The following NTRK3 variants were observed in gnomAD, a reference collection of about 807,000 sequenced individuals.
The protein encoded by NTRK3 is NT-3 growth factor receptor.
In NTRK3, 24 loss-of-function variants were observed where a neutral mutation model predicts 91.7. That is an observed-to-expected ratio of 0.26 (90% CI 0.19 to 0.37). The LOEUF is 0.37. Among genes scored for constraint, NTRK3 ranks in the 10% least tolerant of loss-of-function variants. The pLI is 1.00. For synonymous variants in NTRK3, 483 were observed against 404.0 expected, an observed-to-expected ratio of 1.20 and a Z score of -2.34; for missense variants, 880 against 1,068.9, an observed-to-expected ratio of 0.82 and a Z score of 2.46.
At chr15:87,987,681 G>A (rs887882343) in intron 14 of NTRK3, among the ~76,000 whole-genome samples, 1 of 151,776 alleles carries the variant, frequency 6.6e-6, no homozygotes, top group Non-Finnish European at 1.5e-5. Flanking sequence ...AGTACTCATA[G>A]ATTTTTTTTT....
intron 6 of NTRK3, chr15:88,143,968 T>A (rs1339679961): frequency 1.3e-5 from 2 of 152,204 alleles, no homozygotes; most frequent in Admixed American, 1.3e-4. Context: ...ACATTAAGGA[T>A]CCTTAGGGCA....
intron 17 of NTRK3, chr15:87,927,456 T>C (rs575376843): frequency 3.3e-5 from 5 of 152,252 alleles, no homozygotes; most frequent in Middle Eastern, 6.8e-3. Flanking sequence ...TATGCTCAGG[T>C]CAACAGGACA....
At chr15:88,030,685 C>A (rs1253007926) in intron 14 of NTRK3, among the ~76,000 whole-genome samples, 1 of 152,046 alleles carries the variant, frequency 6.6e-6, no homozygotes, top group Non-Finnish European at 1.5e-5. Flanking sequence ...TCATTTAGGG[C>A]CATGTGTAGA....
At chr15:88,206,256 A>C (rs1397932776) in intron 3 of NTRK3, among the ~76,000 whole-genome samples, 2 of 150,182 alleles carry the variant, frequency 1.3e-5, no homozygotes, top group Admixed American at 6.6e-5. Context: ...GAGGCAGGAG[A>C]ATAGCGCGAA....
At chr15:87,883,277 A>G (rs1317277652) in intron 17 of NTRK3, among the ~76,000 whole-genome samples, 1 of 149,278 alleles carries the variant, frequency 6.7e-6, no homozygotes, top group East Asian at 1.9e-4. Flanking sequence ...ATCATAATTA[A>G]TATTATATTT....
chr15:88,242,097 A>G (rs577363236), intron 3 of NTRK3, among the ~76,000 whole-genome samples: 1 of 152,310 alleles, frequency 6.6e-6, no homozygotes, highest in South Asian at 2.1e-4. Context: ...CCACCTGCGC[A>G]TGGACACACT....
chr15:87,938,962 G>A (rs1168242370), intron 15 of NTRK3, among the ~76,000 whole-genome samples: 1 of 152,126 alleles, frequency 6.6e-6, no homozygotes, highest in African/African-American at 2.4e-5. Flanking sequence ...TTATTTTCTA[G>A]AGCAGAGGTC....
At chr15:87,962,280 C>A (rs2072373452) in intron 14 of NTRK3, among the ~76,000 whole-genome samples, 1 of 152,156 alleles carries the variant, frequency 6.6e-6, no homozygotes, top group Non-Finnish European at 1.5e-5. Context: ...CTTTCCTTCC[C>A]CCAGGACTTA....
chr15:88,104,215 G>T (rs1484116959), intron 13 of NTRK3, among the ~76,000 whole-genome samples: 2 of 152,242 alleles, frequency 1.3e-5, no homozygotes, highest in Non-Finnish European at 2.9e-5. Context: ...GACGTTGAAA[G>T]ATGACGACTT....
At chr15:88,017,154 G>C (rs969630104) in intron 14 of NTRK3, among the ~76,000 whole-genome samples, 4 of 152,058 alleles carry the variant, frequency 2.6e-5, no homozygotes, top group Admixed American at 1.3e-4. Context: ...TGAGTGATTT[G>C]GGGTGTGCTG....
chr15:87,963,964 A>C (rs1236050179), intron 14 of NTRK3, among the ~76,000 whole-genome samples: 1 of 152,208 alleles, frequency 6.6e-6, no homozygotes, highest in Non-Finnish European at 1.5e-5. Flanking sequence ...GTTGTGAAGA[A>C]ATTAAATAAA....
chr15:88,245,919 T>A (rs1598158745), intron 3 of NTRK3, among the ~76,000 whole-genome samples: 1 of 152,176 alleles, frequency 6.6e-6, no homozygotes, highest in East Asian at 1.9e-4. Context: ...AGGGATAATG[T>A]CAGCTTCTTT....
intron 14 of NTRK3, among the ~76,000 whole-genome samples, chr15:88,032,604 T>G (rs1005592833): frequency 4.6e-5 from 7 of 152,222 alleles, no homozygotes; most frequent in Non-Finnish European, 7.4e-5. Context: ...CCCAGGGTCC[T>G]GCTGAGCCCA....
intron 14 of NTRK3, among the ~76,000 whole-genome samples, chr15:87,949,659 C>T (rs2141098369): frequency 6.6e-6 from 1 of 152,262 alleles, no homozygotes; most frequent in African/African-American, 2.4e-5. Context: ...CCGCCATGAG[C>T]TCAGACACCA....
Position 87,929,029 on chromosome 15 carries a change from T to C in NTRK3, c.2133+162A>G, listed in dbSNP as rs956040902. On this transcript the variant is annotated intron_variant, in intron 17 of 18. Coordinates refer to ENST00000394480, the Ensembl canonical transcript of NTRK3. ...ATTGAGAACATAATAAACAGGTATG[T>C]CAAGATGCAAGAGAGGCCAAAAGAT... The C allele has an allele frequency of 3.2e-6, 3 of 948,920 alleles. No individual in the cohort carries two copies. The African/African-American group carries it at 4.8e-5, about 15-fold the overall frequency. The allele number at this position is 948,920 out of a possible 1,614,324, so 58.8% of individuals were successfully genotyped here. A position where few individuals can be genotyped will look rare whatever the true frequency, so the allele number is the denominator to read the frequency against.
At chr15:88,146,202 G>C (rs2042875991) in intron 6 of NTRK3, among the ~76,000 whole-genome samples, 1 of 152,276 alleles carries the variant, frequency 6.6e-6, no homozygotes, top group African/African-American at 2.4e-5. Flanking sequence ...AGTACACAAG[G>C]TCATCATGGG....
chr15:87,869,231 G>T (rs2064764025), exon 19 of NTRK3: 1 of 229,816 alleles, frequency 4.4e-6, no homozygotes, highest in Non-Finnish European at 8.6e-6. Context: ...CGGCTCCTCT[G>T]CTCCTGGAGG....
intron 14 of NTRK3, among the ~76,000 whole-genome samples, chr15:87,942,312 G>T (rs1487546376): frequency 6.6e-6 from 1 of 152,250 alleles, no homozygotes; most frequent in South Asian, 2.1e-4. Flanking sequence ...ACACTGCAGG[G>T]CTATGCCCCA....
chr15:88,139,923 A>T, intron 6 of NTRK3, among the ~76,000 whole-genome samples: 1 of 3,454 alleles, frequency 2.9e-4, no homozygotes, highest in Admixed American at 3.2e-3. Flanking sequence ...TTGGGGTGGG[A>T]GGGGGGGAGT....
Sources: allele counts gnomAD v4.1 joint callset (sites outside exome capture counted in the v4.1 genomes callset), GRCh38; gene constraint gnomAD v4.1.1; transcripts MANE v1.5; gene names NCBI Gene and HGNC (gene_info 2026-07-23, HGNC 2026-07-21).